Variants in NPTX2 observed in about 807,000 individuals in gnomAD.
NPTX2 encodes the protein neuronal pentraxin 2.
In NPTX2, 23 loss-of-function variants were observed where a neutral mutation model predicts 38.1. The ratio of observed to expected loss-of-function variants is 0.60; its 90% confidence interval spans 0.43 to 0.85. The LOEUF (loss-of-function observed/expected upper bound fraction) is 0.85. NPTX2 is among the 40% of genes least tolerant of loss of function. The pLI is 0.00. For synonymous variants in NPTX2, 291 were observed against 287.3 expected (o/e 1.01, Z -0.13); for missense variants, 553 against 615.3 (o/e 0.90, Z 1.07).
chr7:98,619,511 T>A (rs1791236850), intron 1 of NPTX2, 132 bp from the exon 2 acceptor site: 4 of 705,640 alleles, frequency 5.7e-6, no homozygotes, highest in Non-Finnish European at 1.0e-5. Flanking sequence ...GATGCTCCCC[T>A]GCCTGCCAGT....
chr7:98,625,053 A>G lies in NPTX2; in HGVS notation c.775A>G (p.Ser259Gly). 6.2e-7 allele frequency: 1 copy of G among 1,613,586 alleles called. No individual in the cohort carries two copies. The highest frequency in any genetic ancestry group is 8.5e-7 in the Non-Finnish European group (1 of 1,180,016). ...CACCATCTGCCTGTGGCTGCGGTCC[A>G]GCGCCTCACCAGGCATTGGCACCCC... Reference protein sequence around the residue: ...AFTICLWLRSSASPGIGTPFS... With the variant: ...AFTICLWLRSGASPGIGTPFS... Residue 259 changes from serine to glycine, a missense_variant, in exon 3 of 5, where the codon AGC becomes GGC. By Grantham distance (56) the Ser-to-Gly change is moderately conservative (BLOSUM62 0). Coordinates refer to ENST00000265634, the MANE Select transcript of NPTX2 (RefSeq NM_002523.3).
intron 3 of NPTX2, among the ~76,000 whole-genome samples, chr7:98,625,688 C>T (rs985388475): frequency 6.6e-6 from 1 of 152,106 alleles, no homozygotes; most frequent in Admixed American, 6.5e-5. Flanking sequence ...AAATATAAAA[C>T]AGTTCCATCA....
At chr7:98,619,928 T>C in intron 2 of NPTX2, 69 bp downstream of exon 2, 11 of 1,362,164 alleles carry the variant, frequency 8.1e-6, no homozygotes, top group Non-Finnish European at 1.1e-5. Context: ...AGACATGCGA[T>C]TCTGGTTGAT....
intron 2 of NPTX2, among the ~76,000 whole-genome samples, chr7:98,624,265 A>T (rs1024150657): frequency 1.4e-4 from 21 of 152,050 alleles, no homozygotes; most frequent in African/African-American, 4.8e-4. Context: ...CTAATTTTTT[A>T]AATTTTTTGT....
chr7:98,625,831 T>A (rs572843755), intron 3 of NPTX2, among the ~76,000 whole-genome samples: 21 of 152,038 alleles, frequency 1.4e-4, no homozygotes, highest in African/African-American at 5.1e-4. Flanking sequence ...AATAGACTGC[T>A]TGGTTTTGGC....
chr7:98,617,987 GA>G, intron 1 of NPTX2, 100 bp downstream of exon 1: 1 of 1,279,296 alleles, frequency 7.8e-7, no homozygotes, highest in South Asian at 1.4e-5. Flanking sequence ...TGGCCCTGGG[GA>G]GGGTGTGATC....
intron 3 of NPTX2, among the ~76,000 whole-genome samples, chr7:98,626,311 C>G (rs1403875508): frequency 3.9e-5 from 6 of 152,090 alleles, no homozygotes; most frequent in Admixed American, 3.9e-4. Flanking sequence ...CTCCCTGCCA[C>G]CCGGGCCACC....
At chr7:98,621,707 C>T (rs1791272955) in intron 2 of NPTX2, among the ~76,000 whole-genome samples, 1 of 152,246 alleles carries the variant, frequency 6.6e-6, no homozygotes, top group Non-Finnish European at 1.5e-5. Flanking sequence ...TGTCAGCCTC[C>T]ACCCCTTAGG....
In NPTX2 at chr7:98,625,151, G is replaced by T; in HGVS notation, c.873G>T (p.Leu291=). 6.3e-7 allele frequency: 1 copy of T among 1,593,950 alleles called. No individual in the cohort carries two copies. ...LIEWGNNPIE[L]LINDKVAQLP... Reference sequence around the variant, plus strand: ...AGTGGGGCAACAACCCCATCGAGCTGCTCATCAACGACAAGGTGAGGCCCG... The same window carrying T: ...AGTGGGGCAACAACCCCATCGAGCTTCTCATCAACGACAAGGTGAGGCCCG... The change falls in exon 3 of 5, where the codon CTG becomes CTT. Residue 291 remains leucine, a synonymous_variant. Coordinates refer to ENST00000265634, the MANE Select transcript of NPTX2 (RefSeq NM_002523.3).
chr7:98,617,951 AC>A, intron 1 of NPTX2, 64 bp downstream of exon 1: 1 of 1,491,850 alleles, frequency 6.7e-7, no homozygotes, highest in East Asian at 2.6e-5. Flanking sequence ...GGGGCGGAAG[AC>A]TCGGGAGGAT....
chr7:98,626,924 C>T (rs1791359691), intron 3 of NPTX2, among the ~76,000 whole-genome samples: 1 of 152,214 alleles, frequency 6.6e-6, no homozygotes, highest in South Asian at 2.1e-4. Context: ...GGTGTTGACC[C>T]TCACATCTGT....
chr7:98,626,832 G>A (rs186468229), intron 3 of NPTX2, among the ~76,000 whole-genome samples: 49 of 152,310 alleles, frequency 3.2e-4, no homozygotes, highest in East Asian at 9.7e-4. Context: ...AGGATCTCTC[G>A]TCTGTTTTCC....
chr7:98,628,527 G>T lies in NPTX2; in HGVS notation c.1194G>T (p.Met398Ile). Reference protein sequence around the residue: ...IVNIANCSTNMPGNIIPWVDN... With the variant: ...IVNIANCSTNIPGNIIPWVDN... The stretch of plus-strand genomic sequence containing the variant: ...ACATCGCCAACTGCTCCACAAACAT[G>T]CCGGGCAACATCATCCCGTGGGTGG... The change falls in exon 5 of 5, where the codon ATG (methionine) becomes ATT (isoleucine). Residue 398 changes from methionine to isoleucine, a missense_variant. Transcript: ENST00000265634. 1 of 1,611,904 alleles carries T rather than the reference G, an allele frequency of 6.2e-7. No homozygotes were observed.
chr7:98,619,539 G>T, intron 1 of NPTX2, 104 bp from the exon 2 acceptor site: 3 of 922,832 alleles, frequency 3.3e-6, no homozygotes, highest in Non-Finnish European at 5.2e-6. Context: ...TTCAGGGCTT[G>T]CGTTTTGGAA....
At chr7:98,618,513 G>C (rs981599435) in intron 1 of NPTX2, among the ~76,000 whole-genome samples, 5 of 148,752 alleles carry the variant, frequency 3.4e-5, no homozygotes, top group African/African-American at 1.3e-4. Flanking sequence ...CCATTTTAAG[G>C]TGCTCTTCCG....
rs1791195665 is a variant in NPTX2, at chr7:98,617,782, C to T, written c.321C>T (p.Ala107=). 1 of 1,464,598 alleles carries T rather than the reference C, an allele frequency of 6.8e-7. No homozygotes were observed. 90.7% of individuals were successfully genotyped at this position (1,464,598 alleles called of 1,614,324 possible). ...LAGGKARGAG[A]TGKDTMGDLP... is the part of the protein sequence containing the mutation. ...GCGGCAAGGCGCGCGGCGCGGGGGC[C>T]ACGGGCAAGGACACTATGGGCGACC... Residue 107 remains alanine, a synonymous_variant, in exon 1 of 5, where the codon GCC becomes GCT. Coordinates refer to ENST00000265634, the MANE Select transcript of NPTX2 (RefSeq NM_002523.3).
chr7:98,623,813 C>G (rs1272558691), intron 2 of NPTX2, among the ~76,000 whole-genome samples: 1 of 152,090 alleles, frequency 6.6e-6, no homozygotes, highest in East Asian at 1.9e-4. Flanking sequence ...CTCCAGGGTT[C>G]CTAGATCCTG....
intron 2 of NPTX2, 81 bp downstream of exon 2, chr7:98,619,940 G>A: frequency 1.6e-6 from 2 of 1,258,020 alleles, no homozygotes; most frequent in Non-Finnish European, 1.1e-6. Context: ...CTGGTTGATG[G>A]ACAGCAGGGA....
At chr7:98,628,166 A>G (rs1042688260) in intron 4 of NPTX2, among the ~76,000 whole-genome samples, 3 of 151,886 alleles carry the variant, frequency 2.0e-5, no homozygotes, top group Non-Finnish European at 4.4e-5. Context: ...TGGCTTTGGG[A>G]CTTTGAGCAG....
Sources: allele counts gnomAD v4.1 joint callset (sites outside exome capture counted in the v4.1 genomes callset), GRCh38; gene constraint gnomAD v4.1.1; transcripts MANE v1.5; gene names NCBI Gene and HGNC (gene_info 2026-07-23, HGNC 2026-07-21).